ATP8A2: variants seen among roughly 807,000 people sequenced by gnomAD.
The protein encoded by ATP8A2 is ATPase phospholipid transporting 8A2, also known as phospholipid-transporting ATPase IB.
Under a neutral mutation model 165.6 loss-of-function variants are expected in ATP8A2, and 100 were observed. That is an observed-to-expected ratio of 0.60 (90% CI 0.51 to 0.71). ATP8A2 has a LOEUF of 0.71. ATP8A2 is among the 30% of genes least tolerant of loss of function. The probability of loss-of-function intolerance (pLI) is 0.00; values close to 1 mark genes in which losing one functional copy is unlikely to be tolerated. For synonymous variants in ATP8A2, 543 were observed against 548.8 expected (o/e 0.99, Z 0.15); for missense variants, 1,227 against 1,479.5 (o/e 0.83, Z 2.80).
chr13:25,480,142 G>A (rs1254725133), intron 2 of ATP8A2, among the ~76,000 whole-genome samples: 19 of 149,330 alleles, frequency 1.3e-4, no homozygotes, highest in African/African-American at 3.5e-4. Context: ...CCTCCCTCCC[G>A]GATGGGGCAG....
chr13:25,664,985 T>C (rs978819149), intron 24 of ATP8A2, among the ~76,000 whole-genome samples: 13 of 149,736 alleles, frequency 8.7e-5, no homozygotes, highest in African/African-American at 2.5e-4. Context: ...TAACTTTCTG[T>C]GGCATCAGAG....
At chr13:25,718,160 T>C (rs1383326616) in intron 25 of ATP8A2, among the ~76,000 whole-genome samples, 2 of 152,140 alleles carry the variant, frequency 1.3e-5, no homozygotes, top group African/African-American at 4.8e-5. Flanking sequence ...GGTGGCCTTT[T>C]AGAGTAGGAT....
chr13:25,847,962 A>G (rs900831365), intron 30 of ATP8A2, among the ~76,000 whole-genome samples: 1 of 152,136 alleles, frequency 6.6e-6, no homozygotes, highest in Non-Finnish European at 1.5e-5. Context: ...CCATCCTTAC[A>G]GCCCTGAGCC....
chr13:25,461,293 T>A (rs1441474795), intron 1 of ATP8A2, among the ~76,000 whole-genome samples: 1 of 152,206 alleles, frequency 6.6e-6, no homozygotes. Flanking sequence ...GCTAAAATAA[T>A]CACATTTTGT....
chr13:25,811,692 C>G (rs1323096828), intron 27 of ATP8A2, among the ~76,000 whole-genome samples: 1 of 152,060 alleles, frequency 6.6e-6, no homozygotes, highest in African/African-American at 2.4e-5. Flanking sequence ...CTTTACAAAA[C>G]AAAACAAAAC....
intron 1 of ATP8A2, among the ~76,000 whole-genome samples, chr13:25,458,684 T>C (rs1484544495): frequency 6.6e-6 from 1 of 152,244 alleles, no homozygotes; most frequent in Non-Finnish European, 1.5e-5. Flanking sequence ...TGTAATGAGA[T>C]ACACCTTGAT....
chr13:25,909,368 C>T (rs1378974228), intron 33 of ATP8A2, among the ~76,000 whole-genome samples: 1 of 152,092 alleles, frequency 6.6e-6, no homozygotes, highest in Non-Finnish European at 1.5e-5. Context: ...TAAATATGTA[C>T]CAAAACATCA....
At chr13:25,749,702 G>A (rs1314198913) in intron 25 of ATP8A2, among the ~76,000 whole-genome samples, 3 of 152,108 alleles carry the variant, frequency 2.0e-5, no homozygotes, top group Non-Finnish European at 2.9e-5. Context: ...CCAAGGCTGC[G>A]GTGTAGACAG....
intron 25 of ATP8A2, among the ~76,000 whole-genome samples, chr13:25,709,996 T>G (rs2043128031): frequency 6.6e-6 from 1 of 152,218 alleles, no homozygotes; most frequent in South Asian, 2.1e-4. Flanking sequence ...GGATAACTCA[T>G]CGCTGGGTGT....
At chr13:25,949,132 C>T (rs913914680) in intron 33 of ATP8A2, among the ~76,000 whole-genome samples, 3 of 152,170 alleles carry the variant, frequency 2.0e-5, no homozygotes, top group Non-Finnish European at 4.4e-5. Flanking sequence ...TGTCAGAGGG[C>T]GTGTGTTCAG....
At chr13:25,652,192 AAT>A (rs2041829144) in intron 24 of ATP8A2, among the ~76,000 whole-genome samples, 2 of 152,228 alleles carry the variant, frequency 1.3e-5, no homozygotes, top group Admixed American at 1.3e-4. Context: ...ATATTTAAAA[AAT>A]ATATATCATA....
chr13:25,799,580 A>C (rs556839087), intron 27 of ATP8A2, among the ~76,000 whole-genome samples: 1 of 152,180 alleles, frequency 6.6e-6, no homozygotes, highest in Non-Finnish European at 1.5e-5. Flanking sequence ...ATAATTTCAC[A>C]CAAGTCTTCC....
intron 25 of ATP8A2, among the ~76,000 whole-genome samples, chr13:25,766,691 C>T (rs2044497664): frequency 6.6e-6 from 1 of 152,196 alleles, no homozygotes; most frequent in Admixed American, 6.5e-5. Flanking sequence ...ACCTGAGAGA[C>T]ATTGCTGTAT....
At chr13:25,963,412 A>C (rs1955707944) in intron 34 of ATP8A2, among the ~76,000 whole-genome samples, 1 of 148,252 alleles carries the variant, frequency 6.7e-6, no homozygotes. Context: ...AAAAAAAAAG[A>C]AAAGAAAAGA....
At chr13:25,415,297 C>T (rs2034100553) in intron 1 of ATP8A2, among the ~76,000 whole-genome samples, 1 of 152,170 alleles carries the variant, frequency 6.6e-6, no homozygotes, top group African/African-American at 2.4e-5. Flanking sequence ...CCCTTTCTCT[C>T]ACCTAGTCCT....
At chr13:25,496,758 TAGAG>T (rs1338061058) in intron 2 of ATP8A2, among the ~76,000 whole-genome samples, 1 of 152,192 alleles carries the variant, frequency 6.6e-6, no homozygotes, top group Non-Finnish European at 1.5e-5. Context: ...TTTGTTCTCT[TAGAG>T]AGGCACAGGT....
At chr13:25,805,221 T>C (rs17082758) in intron 27 of ATP8A2, among the ~76,000 whole-genome samples, 3,868 of 152,166 alleles carry the variant, frequency 0.025, 171 homozygotes, top group African/African-American at 0.088. Context: ...TTTTATTTAA[T>C]GAGGAGGCCA....
At chr13:26,010,713 T>C (rs1956827329) in intron 35 of ATP8A2, among the ~76,000 whole-genome samples, 1 of 152,158 alleles carries the variant, frequency 6.6e-6, no homozygotes, top group Non-Finnish European at 1.5e-5. Flanking sequence ...TCCAGGGCAA[T>C]TGCTCAGCCA....
chr13:25,730,240 C>T lies in ATP8A2; in HGVS notation c.2384+30895C>T, dbSNP rs191719689. Among the ~76,000 whole-genome samples the T allele has an allele frequency of 3.7e-3, 563 of 152,148 alleles. 14 individuals are homozygous for T. Among genetic ancestry groups the T allele is most frequent in the Admixed American group, 0.031 (468 of 15,272 alleles). On this transcript the variant is annotated intron_variant, in intron 25 of 36. Transcript: ENST00000381655. The stretch of plus-strand genomic sequence containing the variant: ...CAGGTGGTTGAGGCTGCAAGTGAGC[C>T]GTGATCATGCCACTGCACTCCCGCC...
Sources: gnomAD v4.1 joint callset for allele counts (sites outside exome capture counted in the v4.1 genomes callset) on GRCh38, gnomAD v4.1.1 for gene constraint, MANE v1.5 for transcripts, NCBI Gene and HGNC (gene_info 2026-07-23, HGNC 2026-07-21) for gene names.